Variants in CORO7 observed in about 807,000 individuals in gnomAD.
The protein encoded by CORO7 is coronin 7.
CORO7 carries 107 observed loss-of-function variants against 126.6 expected under a neutral mutation model. The ratio of observed to expected loss-of-function variants is 0.85; its 90% CI spans 0.72 to 0.99. The LOEUF (loss-of-function observed/expected upper bound fraction) is 0.99, where lower values mean the gene tolerates loss of function less well. CORO7 is among the 50% of genes least tolerant of loss of function. CORO7 has a pLI of 0.00. For synonymous variants in CORO7, 603 were observed against 536.8 expected (o/e 1.12, Z -1.70); for missense variants, 1,314 against 1,255.8 (o/e 1.05, Z -0.70).
At position 4,413,481 on chromosome 16, in the gene CORO7, G is replaced by T. The variant is rs1234484291; in HGVS notation, c.61-77C>A. On this transcript the variant is annotated intron_variant, in intron 1 of 27. Transcript: ENST00000251166. ...ATGCATGCCTAAAGCAAGAGGTGGGGCATAATCTGGGGAACTCTAGCTCAC... is the reference window on the plus strand; with the variant it reads ...ATGCATGCCTAAAGCAAGAGGTGGGTCATAATCTGGGGAACTCTAGCTCAC... The T allele has an allele frequency of 4.4e-6, 6 of 1,364,214 alleles. No homozygotes were observed. The African/African-American group carries it at 8.7e-5, about 20-fold the overall frequency. 84.5% of individuals were successfully genotyped at this position (1,364,214 alleles called of 1,614,324 possible).
chr16:4,395,996 T>TTG (rs1298161468), intron 6 of CORO7, among the ~76,000 whole-genome samples: 1 of 151,112 alleles, frequency 6.6e-6, no homozygotes, highest in African/African-American at 2.4e-5. Context: ...CATGCACACG[T>TTG]TGTGTGTGTG....
chr16:4,393,607 G>A (rs1016266128), intron 7 of CORO7, among the ~76,000 whole-genome samples: 9 of 152,098 alleles, frequency 5.9e-5, no homozygotes, highest in Non-Finnish European at 5.9e-5. Flanking sequence ...CTGGGGCTCC[G>A]GGCTACCACT....
At chr16:4,384,971 A>G (rs1398111596) in intron 9 of CORO7, among the ~76,000 whole-genome samples, 2 of 135,658 alleles carry the variant, frequency 1.5e-5, no homozygotes, top group Non-Finnish European at 3.2e-5. Context: ...GGCAGGGGGC[A>G]GTGGCGGGGG....
chr16:4,359,580 A>T lies in CORO7; in HGVS notation c.2150T>A (p.Leu717Gln). 6.2e-7 allele frequency: 1 copy of T among 1,611,788 alleles called. No homozygotes were observed. Among genetic ancestry groups the T allele is most frequent in the Non-Finnish European group, 8.5e-7 (1 of 1,178,906 alleles). Reference protein sequence around the residue: ...RQLLLYEAEALAGGPLAVLGL... With the variant: ...RQLLLYEAEAQAGGPLAVLGL... ...CAACACTGCCAAGGGTCCGCCGGCC[A>T]GGGCCTCAGCTTCATATAGGAGCAG... Residue 717 changes from leucine (L) to glutamine (Q), a missense_variant, in exon 22 of 28, where the codon CTG (leucine) becomes CAG (glutamine). Transcript: ENST00000251166.
At chr16:4,413,480 G>A (rs2056291231) in intron 1 of CORO7, 76 bp from the exon 2 acceptor site, 7 of 1,365,222 alleles carry the variant, frequency 5.1e-6, no homozygotes, top group Non-Finnish European at 6.0e-6. Context: ...CAAGAGGTGG[G>A]GCATAATCTG....
chr16:4,412,565 T>C, intron 2 of CORO7, 135 bp from the exon 3 acceptor site: 1 of 859,212 alleles, frequency 1.2e-6, no homozygotes, highest in Non-Finnish European at 1.8e-6. Context: ...CAAGATCATA[T>C]CCTCTGCACG....
intron 9 of CORO7, among the ~76,000 whole-genome samples, chr16:4,384,773 G>C (rs938588436): frequency 3.9e-5 from 6 of 152,208 alleles, no homozygotes; most frequent in Non-Finnish European, 8.8e-5. Context: ...CTGAGGCAGC[G>C]GCGGCAGCCC....
chr16:4,359,758 C>A (rs894902223), intron 21 of CORO7, 137 bp from the exon 22 acceptor site: 10 of 1,109,588 alleles, frequency 9.0e-6, no homozygotes, highest in Middle Eastern at 5.9e-4. Flanking sequence ...GCAGCCACAT[C>A]CTAACCTGCC....
intron 9 of CORO7, among the ~76,000 whole-genome samples, chr16:4,372,217 C>T (rs539132578): frequency 6.6e-6 from 1 of 152,260 alleles, no homozygotes; most frequent in South Asian, 2.1e-4. Flanking sequence ...AGGGTGCGCG[C>T]CTGAGTGTGC....
At position 4,408,240 on chromosome 16, in the gene CORO7, C is replaced by T. The variant is rs145540681; in HGVS notation, c.244G>A (p.Asp82Asn). 9 of 1,614,216 alleles carry T rather than the reference C, an allele frequency of 5.6e-6. No individual in the cohort carries two copies. The highest frequency in any genetic ancestry group is 3.3e-5 in the South Asian group (3 of 91,082). Residue 82 changes from aspartate (D) to asparagine (N), a missense_variant, in exon 4 of 28, where the codon GAC (aspartate) becomes AAC (asparagine). Asp to Asn is a conservative substitution (Grantham distance 23). Coordinates refer to ENST00000251166, the MANE Select transcript of CORO7 (RefSeq NM_024535.5). ...HLGCHSDLVT[D>N]LDFSPFDDFL... ...TCATCAAAGGGCGAGAAGTCCAAGTCGGTGACTAGGTCTGTGGGAGAGGAA... is the reference window on the plus strand; with the variant it reads ...TCATCAAAGGGCGAGAAGTCCAAGTTGGTGACTAGGTCTGTGGGAGAGGAA...
rs767413757 is a variant in CORO7, at chr16:4,395,334, C to T, written c.570G>A (p.Lys190=). Residue 190 remains lysine (K), a synonymous_variant, in exon 7 of 28, where the codon AAG becomes AAA. Transcript: ENST00000251166. Reference sequence around the variant, plus strand: ...TTCTGGGGTCAAAGATCCGCAGCTGCTTGTCCTGGAAAAGCAGAGAGGAGG... The same window carrying T: ...TTCTGGGGTCAAAGATCCGCAGCTGTTTGTCCTGGAAAAGCAGAGAGGAGG... ...GALVGTACKD[K]QLRIFDPRTK... 7.2e-5 allele frequency: 117 copies of T among 1,613,912 alleles called. No homozygotes were observed. The Admixed American group carries it at 2.0e-3, about 27-fold the overall frequency.
At chr16:4,389,767 G>A (rs1458126380) in intron 7 of CORO7, among the ~76,000 whole-genome samples, 2 of 152,232 alleles carry the variant, frequency 1.3e-5, no homozygotes, top group Non-Finnish European at 2.9e-5. Context: ...ACCCGGAGAG[G>A]GTCACAGTGT....
chr16:4,395,310 T>C lies in CORO7; in HGVS notation c.594A>G (p.Arg198=). 6.2e-7 allele frequency: 1 copy of C among 1,614,042 alleles called. No homozygotes were observed. The highest frequency in any genetic ancestry group is 1.1e-5 in the South Asian group (1 of 91,060). ...KDKQLRIFDP[R]TKPRASQSTQ... is the part of the protein sequence containing the mutation. Reference sequence around the variant, plus strand: ...TCACCTGAGAGGCCCGCGGCTTTGTTCTGGGGTCAAAGATCCGCAGCTGCT... The same window carrying C: ...TCACCTGAGAGGCCCGCGGCTTTGTCCTGGGGTCAAAGATCCGCAGCTGCT... The change falls in exon 7 of 28, where the codon AGA becomes AGG. Residue 198 remains arginine, a synonymous_variant. Transcript: ENST00000251166.
At chr16:4,386,076 C>G (rs558099544) in intron 9 of CORO7, among the ~76,000 whole-genome samples, 1 of 152,334 alleles carries the variant, frequency 6.6e-6, no homozygotes, top group African/African-American at 2.4e-5. Flanking sequence ...TGCCACCTCT[C>G]AGAACAGCTG....
chr16:4,357,424 C>T (rs1390957794), intron 25 of CORO7, 165 bp from the exon 26 acceptor site: 2 of 692,542 alleles, frequency 2.9e-6, no homozygotes, highest in East Asian at 3.1e-5. Flanking sequence ...ATGATGTGAC[C>T]TAGGCTGACT....
intron 26 of CORO7, chr16:4,356,932 C>T (rs765194953): frequency 1.5e-5 from 9 of 585,286 alleles, no homozygotes; most frequent in East Asian, 6.0e-5. Flanking sequence ...CCAGAACTGC[C>T]GGCTTAGGCT....
At chr16:4,357,015 C>G (rs2141171434) in intron 26 of CORO7, 153 bp downstream of exon 26, 3 of 1,053,872 alleles carry the variant, frequency 2.8e-6, no homozygotes, top group South Asian at 1.4e-5. Flanking sequence ...AGTGGTAGGG[C>G]TCTGGAAGGT....
At chr16:4,393,005 A>T (rs1416488386) in intron 7 of CORO7, among the ~76,000 whole-genome samples, 1 of 151,966 alleles carries the variant, frequency 6.6e-6, no homozygotes, top group Non-Finnish European at 1.5e-5. Flanking sequence ...GATAGCAGCC[A>T]CTCTATCCCC....
At chr16:4,407,720 A>C in intron 4 of CORO7, 36 bp from the exon 5 acceptor site, 1 of 1,529,576 alleles carries the variant, frequency 6.5e-7, no homozygotes, top group Non-Finnish European at 8.8e-7. Flanking sequence ...CACAGGGCTG[A>C]GGGCCTCACT....
Sources: gnomAD v4.1 joint callset for allele counts (sites outside exome capture counted in the v4.1 genomes callset) on GRCh38, gnomAD v4.1.1 for gene constraint, MANE v1.5 for transcripts, NCBI Gene and HGNC (gene_info 2026-07-23, HGNC 2026-07-21) for gene names.